SAMD3: variants seen among roughly 807,000 people sequenced by gnomAD.
The protein encoded by SAMD3 is sterile alpha motif domain containing 3, also known as sterile alpha motif domain-containing protein 3.
Under a neutral mutation model 58.5 loss-of-function variants are expected in SAMD3, and 63 were observed. The observed-to-expected ratio is 1.08, with a 90% CI of 0.88 to 1.33. The LOEUF is 1.33. Ranked by LOEUF, SAMD3 falls within the 40% of genes most tolerant of loss-of-function variation. The pLI, the probability that SAMD3 is intolerant of heterozygous loss-of-function variation, is 0.00. For missense variants in SAMD3, 604 were observed against 608.4 expected (o/e 0.99, Z 0.08); for synonymous variants, 220 against 210.3 (o/e 1.05, Z -0.40).
At chr6:130,248,181 TGTG>T (rs1773619295) in intron 2 of SAMD3, among the ~76,000 whole-genome samples, 1 of 40,542 alleles carries the variant, frequency 2.5e-5, no homozygotes, top group Non-Finnish European at 3.7e-5. Flanking sequence ...GTGTTTTGCG[TGTG>T]TGTGTGTGTG....
intron 2 of SAMD3, among the ~76,000 whole-genome samples, chr6:130,295,770 A>G (rs1371443003): frequency 6.6e-6 from 1 of 152,146 alleles, no homozygotes; most frequent in African/African-American, 2.4e-5. Flanking sequence ...CTATGGACTG[A>G]TGTTCTGGGC....
At chr6:130,172,970 G>C (rs1213150677) in intron 8 of SAMD3, among the ~76,000 whole-genome samples, 1 of 151,898 alleles carries the variant, frequency 6.6e-6, no homozygotes, top group Non-Finnish European at 1.5e-5. Flanking sequence ...TTCAATCTTT[G>C]ATATCCTTTC....
Position 130,249,108 on chromosome 6 carries a change from C to T in SAMD3, c.-187-26295G>A, listed in dbSNP as rs543382306. Among the ~76,000 whole-genome samples, 85 of 152,248 alleles carry T rather than the reference C, an allele frequency of 5.6e-4. 1 individual carries two copies. Among genetic ancestry groups the T allele is most frequent in the Middle Eastern group, 3.4e-3 (1 of 294 alleles). ...CAGCTTAGGAAGGACCAGTGGCATG[C>T]CCCATAGATATGAACTTGGGCCATG... On this transcript the variant is annotated intron_variant, in intron 2 of 13. Transcript: ENST00000368134.
At chr6:130,213,315 T>A (rs78438245) in intron 4 of SAMD3, among the ~76,000 whole-genome samples, 1 of 135,804 alleles carries the variant, frequency 7.4e-6, no homozygotes, top group Admixed American at 7.1e-5. Flanking sequence ...ACAAAAAGCT[T>A]TTTTTTTTTT....
At chr6:130,157,876 A>C (rs888060565) in intron 8 of SAMD3, among the ~76,000 whole-genome samples, 25 of 152,150 alleles carry the variant, frequency 1.6e-4, no homozygotes, top group South Asian at 6.2e-4. Context: ...TTTCAGAGCA[A>C]CTGAATACAA....
intron 2 of SAMD3, among the ~76,000 whole-genome samples, chr6:130,263,810 C>T (rs749989832): frequency 2.6e-4 from 40 of 152,176 alleles, no homozygotes; most frequent in South Asian, 1.0e-3. Flanking sequence ...ACCATTTAAT[C>T]GGGGGAGATT....
At chr6:130,238,381 G>A (rs1358840206) in intron 2 of SAMD3, among the ~76,000 whole-genome samples, 1 of 152,060 alleles carries the variant, frequency 6.6e-6, no homozygotes, top group Non-Finnish European at 1.5e-5. Context: ...AGCATATAAA[G>A]ATATTTGGAA....
intron 2 of SAMD3, among the ~76,000 whole-genome samples, chr6:130,308,776 A>G (rs1480605482): frequency 6.6e-6 from 1 of 152,066 alleles, no homozygotes; most frequent in African/African-American, 2.4e-5. Flanking sequence ...CTCCACATAA[A>G]AATGGCCCAA....
At chr6:130,176,276 G>A in intron 7 of SAMD3, 1 of 431,564 alleles carries the variant, frequency 2.3e-6, no homozygotes, top group East Asian at 4.8e-5. Flanking sequence ...TGGTTATTGA[G>A]TAAATATATT....
At chr6:130,242,842 G>A (rs1773410326) in intron 2 of SAMD3, among the ~76,000 whole-genome samples, 1 of 152,186 alleles carries the variant, frequency 6.6e-6, no homozygotes, top group South Asian at 2.1e-4. Flanking sequence ...GTTAGCTCTG[G>A]TGGCTGAGCC....
chr6:130,362,864 A>G (rs1322732252), intron 1 of SAMD3, among the ~76,000 whole-genome samples: 2 of 152,354 alleles, frequency 1.3e-5, no homozygotes, highest in Middle Eastern at 3.4e-3. Context: ...CTATTAGTCA[A>G]TTGCACATAA....
At position 130,361,971 on chromosome 6, in the gene SAMD3, G is replaced by A. The variant is rs189199008; in HGVS notation, c.-304+3149C>T. ...AATTATTGGCAGTTTATGGATGAGG[G>A]CAATTAAACCCAGAATAGTCAGTAA... On this transcript the variant is annotated intron_variant, in intron 1 of 13. Coordinates refer to the SAMD3 transcript ENST00000368134. Among the ~76,000 whole-genome samples, 5 of 152,298 alleles carry A rather than the reference G, an allele frequency of 3.3e-5. No individual in the cohort carries two copies. In the East Asian group the frequency reaches 9.6e-4, roughly 29 times the overall value.
intron 3 of SAMD3, among the ~76,000 whole-genome samples, chr6:130,214,807 T>C (rs893383639): frequency 3.3e-5 from 5 of 152,204 alleles, no homozygotes; most frequent in Admixed American, 1.3e-4. Context: ...GGTATTGTTT[T>C]TATAAGGAAA....
chr6:130,264,430 G>A (rs540335812), intron 2 of SAMD3, among the ~76,000 whole-genome samples: 13 of 152,320 alleles, frequency 8.5e-5, no homozygotes, highest in East Asian at 3.9e-4. Context: ...GTTCATCCCC[G>A]AGTGGATGTG....
chr6:130,144,172 T>G, downstream of SAMD3: 1 of 231,702 alleles, frequency 4.3e-6, no homozygotes, highest in East Asian at 1.1e-4. Flanking sequence ...CTCCTGTGCA[T>G]TAAGTGGGCA....
chr6:130,190,115 A>G (rs929312463), intron 5 of SAMD3, among the ~76,000 whole-genome samples: 2 of 149,360 alleles, frequency 1.3e-5, no homozygotes, highest in Admixed American at 6.7e-5. Flanking sequence ...ATGATCCTGA[A>G]CTACACATGT....
intron 2 of SAMD3, among the ~76,000 whole-genome samples, chr6:130,305,746 T>A (rs1775892793): frequency 6.6e-6 from 1 of 152,236 alleles, no homozygotes; most frequent in South Asian, 2.1e-4. Flanking sequence ...AATCTTGGAA[T>A]AAATACAACT....
At chr6:130,285,169 A>C (rs1224248124) in intron 2 of SAMD3, among the ~76,000 whole-genome samples, 1 of 152,238 alleles carries the variant, frequency 6.6e-6, no homozygotes, top group Non-Finnish European at 1.5e-5. Flanking sequence ...CGTTATATAT[A>C]GTAGACACCA....
chr6:130,302,701 G>A (rs7739706), intron 2 of SAMD3, among the ~76,000 whole-genome samples: 2 of 152,240 alleles, frequency 1.3e-5, no homozygotes, highest in African/African-American at 2.4e-5. Flanking sequence ...TGGTGGGTTC[G>A]ACAAGGAAAA....
Sources: allele counts gnomAD v4.1 joint callset (sites outside exome capture counted in the v4.1 genomes callset), GRCh38; gene constraint gnomAD v4.1.1; transcripts MANE v1.5; gene names NCBI Gene and HGNC (gene_info 2026-07-23, HGNC 2026-07-21).